IGFL4: variants seen among roughly 807,000 people sequenced by gnomAD.
The protein encoded by IGFL4 is IGF like family member 4.
IGFL4 carries 12 observed loss-of-function variants against 15.4 expected under a neutral mutation model. The observed-to-expected ratio is 0.78, with a 90% CI of 0.50 to 1.26. The LOEUF is 1.26. IGFL4 is among the 50% of genes most tolerant of loss of function. The probability of loss-of-function intolerance (pLI) is 0.00; values close to 1 mark genes in which losing one functional copy is unlikely to be tolerated. For synonymous variants in IGFL4, 54 were observed against 55.9 expected (o/e 0.97, Z 0.16); for missense variants, 126 against 147.8 (o/e 0.85, Z 0.76).
At chr19:46,072,284 C>T (rs909567671) in intron 1 of IGFL4, among the ~76,000 whole-genome samples, 4 of 152,176 alleles carry the variant, frequency 2.6e-5, no homozygotes, top group African/African-American at 9.7e-5. Context: ...GAGTATAGCA[C>T]AGCAGTTCCG....
intron 1 of IGFL4, among the ~76,000 whole-genome samples, chr19:46,060,899 C>CA (rs1969438940): frequency 6.6e-6 from 1 of 152,148 alleles, no homozygotes; most frequent in African/African-American, 2.4e-5. Flanking sequence ...ATTTTATAGA[C>CA]AAATCTATTT....
At chr19:46,071,312 G>T (rs888648121) in intron 1 of IGFL4, among the ~76,000 whole-genome samples, 1 of 152,122 alleles carries the variant, frequency 6.6e-6, no homozygotes, top group African/African-American at 2.4e-5. Context: ...GGGGTAAGGA[G>T]AAGACACAGC....
chr19:46,039,911 G>A lies in IGFL4; in HGVS notation c.356C>T (p.Ser119Leu), dbSNP rs779154541. Residue 119 changes from serine (S) to leucine (L), a missense_variant, in exon 4 of 4, where the codon TCA (serine) becomes TTA (leucine). Ser to Leu is a moderately radical substitution (Grantham distance 145). Coordinates refer to ENST00000377697, the MANE Select transcript of IGFL4 (RefSeq NM_001002923.3). ...AQEYHPKSPVSRSDLI is the reference protein window; with the variant it reads ...AQEYHPKSPVLRSDLI Reference sequence around the variant, plus strand: ...AACAGTCTAGATGAGGTCAGATCTTGACACAGGGCTTTTTGGGTGGTATTC... The same window carrying A: ...AACAGTCTAGATGAGGTCAGATCTTAACACAGGGCTTTTTGGGTGGTATTC... The A allele has an allele frequency of 3.1e-6, 5 of 1,613,194 alleles. No homozygotes were observed. Among genetic ancestry groups the A allele is most frequent in the East Asian group, 2.2e-5 (1 of 44,892 alleles).
In IGFL4 at chr19:46,048,870, T is replaced by C. The variant is rs147441660; in HGVS notation, c.-322-7760A>G. On this transcript the variant is annotated intron_variant, in intron 2 of 5. Transcript: ENST00000601672. ...AAAGTAACTTATAGATTCAATGCTA[T>C]TCCCATTAAACTACTATTGACATTC... 2.0e-4 allele frequency among the ~76,000 whole-genome samples: 30 copies of C among 152,354 alleles called. No homozygotes were observed. In the East Asian group the frequency reaches 4.8e-3, roughly 24 times the overall value.
At chr19:46,041,040 A>G, upstream of IGFL4, 1 of 1,352,256 alleles carries the variant, frequency 7.4e-7, no homozygotes, top group Non-Finnish European at 1.0e-6. Context: ...CTTATATAGG[A>G]TATGAACTTA....
At chr19:46,073,646 ACT>A (rs1277902610) in intron 1 of IGFL4, among the ~76,000 whole-genome samples, 9 of 152,056 alleles carry the variant, frequency 5.9e-5, no homozygotes, top group Admixed American at 3.3e-4. Context: ...GAGTAACAGC[ACT>A]CTTCCACCCA....
upstream of IGFL4, among the ~76,000 whole-genome samples, chr19:46,042,579 G>C (rs1476862914): frequency 6.6e-6 from 1 of 152,180 alleles, no homozygotes; most frequent in Admixed American, 6.6e-5. Flanking sequence ...TCAAGCAAGA[G>C]GTGAGTCTGA....
At chr19:46,043,014 A>G (rs1269216800), upstream of IGFL4, among the ~76,000 whole-genome samples, 1 of 151,840 alleles carries the variant, frequency 6.6e-6, no homozygotes, top group Non-Finnish European at 1.5e-5. Context: ...GAGATGTTTG[A>G]GGTCGCCGGG....
chr19:46,064,825 C>A (rs1969479609), intron 1 of IGFL4, among the ~76,000 whole-genome samples: 1 of 152,178 alleles, frequency 6.6e-6, no homozygotes, highest in Non-Finnish European at 1.5e-5. Context: ...GCAGTAGGAT[C>A]ATATGGTAGC....
intron 1 of IGFL4, among the ~76,000 whole-genome samples, chr19:46,076,787 C>T (rs1209703746): frequency 6.6e-6 from 1 of 151,810 alleles, no homozygotes; most frequent in Non-Finnish European, 1.5e-5. Flanking sequence ...AAACAAAACT[C>T]TTGATTTAAA....
At chr19:46,049,718 G>A (rs1287858472) in intron 2 of IGFL4, among the ~76,000 whole-genome samples, 1 of 152,088 alleles carries the variant, frequency 6.6e-6, no homozygotes, top group African/African-American at 2.4e-5. Context: ...ACAGTCTCTT[G>A]GGAGCTCTAT....
intron 1 of IGFL4, among the ~76,000 whole-genome samples, chr19:46,068,624 CAGAT>C (rs1969517084): frequency 1.3e-5 from 2 of 152,300 alleles, no homozygotes; most frequent in South Asian, 4.1e-4. Context: ...GGTGCACACA[CAGAT>C]AGAATTGTTC....
chr19:46,065,960 G>A (rs1443484716), intron 1 of IGFL4, among the ~76,000 whole-genome samples: 2 of 152,134 alleles, frequency 1.3e-5, no homozygotes, highest in Admixed American at 6.5e-5. Context: ...ATGTCAAAAC[G>A]GCCATGAAGC....
chr19:46,041,559 T>A (rs1969243371), upstream of IGFL4, among the ~76,000 whole-genome samples: 1 of 151,426 alleles, frequency 6.6e-6, no homozygotes, highest in South Asian at 2.1e-4. Context: ...GTAGGATGGA[T>A]CTCTGGGATT....
chr19:46,053,272 TG>T (rs1969364388), intron 2 of IGFL4, among the ~76,000 whole-genome samples: 1 of 152,318 alleles, frequency 6.6e-6, no homozygotes, highest in Admixed American at 6.5e-5. Flanking sequence ...TGAAGTGCAG[TG>T]GCATGATCTC....
chr19:46,052,471 C>T (rs1323744737), intron 2 of IGFL4, among the ~76,000 whole-genome samples: 4 of 152,038 alleles, frequency 2.6e-5, no homozygotes, highest in Non-Finnish European at 5.9e-5. Flanking sequence ...CTGTCAAAAC[C>T]TCTGGGATAC....
chr19:46,054,825 T>C (rs1467875373), intron 2 of IGFL4, among the ~76,000 whole-genome samples: 1 of 152,200 alleles, frequency 6.6e-6, no homozygotes, highest in Non-Finnish European at 1.5e-5. Flanking sequence ...AGAAGATCTA[T>C]AGTCTTCAAA....
At chr19:46,044,521 GGCA>G (rs1224163272), upstream of IGFL4, among the ~76,000 whole-genome samples, 2 of 152,132 alleles carry the variant, frequency 1.3e-5, no homozygotes, top group Non-Finnish European at 2.9e-5. Context: ...GTGTCGTGGG[GGCA>G]GTCACCATCT....
At chr19:46,070,900 G>T (rs1969539411) in intron 1 of IGFL4, among the ~76,000 whole-genome samples, 2 of 152,162 alleles carry the variant, frequency 1.3e-5, no homozygotes, top group South Asian at 4.1e-4. Context: ...GTATTTGGGG[G>T]AAAAATTAAT....
Sources: gnomAD v4.1 joint callset for allele counts (sites outside exome capture counted in the v4.1 genomes callset) on GRCh38, gnomAD v4.1.1 for gene constraint, MANE v1.5 for transcripts, NCBI Gene and HGNC (gene_info 2026-07-23, HGNC 2026-07-21) for gene names.